ITSN1: variants seen among roughly 807,000 people sequenced by gnomAD.
ITSN1 encodes the protein intersectin 1.
A neutral mutation model predicts 239.8 loss-of-function variants in ITSN1; 58 were observed. The observed-to-expected ratio is 0.24, with a 90% CI of 0.20 to 0.30. The LOEUF is 0.30. ITSN1 is among the 10% of genes least tolerant of loss of function. The probability of loss-of-function intolerance (pLI) is 1.00; values close to 1 mark genes in which losing one functional copy is unlikely to be tolerated. For missense variants in ITSN1, 1,558 were observed against 2,103.3 expected (o/e 0.74, Z 5.07); for synonymous variants, 780 against 770.8 (o/e 1.01, Z -0.20).
At chr21:33,834,828 G>A (rs776078122) in intron 28 of ITSN1, among the ~76,000 whole-genome samples, 2 of 151,574 alleles carry the variant, frequency 1.3e-5, no homozygotes, top group Non-Finnish European at 1.5e-5. Context: ...GGCCACGGGG[G>A]TTGGGGGGCT....
chr21:33,686,520 T>C (rs1414461553), intron 1 of ITSN1, among the ~76,000 whole-genome samples: 2 of 152,162 alleles, frequency 1.3e-5, no homozygotes, highest in East Asian at 3.8e-4. Context: ...AATTGAACTG[T>C]GCTGAGTGCT....
chr21:33,698,859 C>T (rs1309320187), intron 1 of ITSN1, among the ~76,000 whole-genome samples: 1 of 152,146 alleles, frequency 6.6e-6, no homozygotes, highest in Non-Finnish European at 1.5e-5. Flanking sequence ...GACATAGGCT[C>T]TTCCAGTTGT....
At chr21:33,727,606 A>T (rs7278948) in intron 4 of ITSN1, among the ~76,000 whole-genome samples, 15 of 145,652 alleles carry the variant, frequency 1.0e-4, no homozygotes, top group African/African-American at 3.2e-4. Flanking sequence ...CTAAACTCAT[A>T]CAAAAAAAAA....
chr21:33,835,210 G>A (rs1305908139), intron 28 of ITSN1, among the ~76,000 whole-genome samples: 6 of 152,144 alleles, frequency 3.9e-5, no homozygotes, highest in Non-Finnish European at 5.9e-5. Context: ...TTAAAGGATG[G>A]GCAAACTTTG....
chr21:33,704,430 T>C (rs971649913), intron 1 of ITSN1, among the ~76,000 whole-genome samples: 3 of 152,194 alleles, frequency 2.0e-5, no homozygotes, highest in South Asian at 4.1e-4. Flanking sequence ...TGTGCCTCTT[T>C]GGTGAAGTTC....
rs1986863206 is a variant in ITSN1, at chr21:33,897,721, ATTAT to A, written c.*9424_*9427del. The A allele has an allele frequency of 6.6e-6, 1 of 152,214 alleles. No individual in the cohort carries two copies. The highest frequency in any genetic ancestry group is 1.5e-5 in the Non-Finnish European group (1 of 68,040). The allele number at this position is 152,214 out of a possible 1,614,324, so 9.4% of individuals were successfully genotyped here. A position where few individuals can be genotyped will look rare whatever the true frequency, so the allele number is the denominator to read the frequency against. On this transcript the variant is annotated 3_prime_UTR_variant, in exon 40 of 40. Transcript: ENST00000381318. ...GTAAAATGTGATTTGTCATTGAGAGATTATTTTTCTGTATGTATATGAGAGTATT... is the reference window on the plus strand; with the variant it reads ...GTAAAATGTGATTTGTCATTGAGAGATTTTCTGTATGTATATGAGAGTATT...
intron 1 of ITSN1, among the ~76,000 whole-genome samples, chr21:33,681,159 T>A (rs2090925571): frequency 6.6e-6 from 1 of 152,134 alleles, no homozygotes; most frequent in Non-Finnish European, 1.5e-5. Context: ...AAAGGGTCTG[T>A]TAAGGAAGGG....
At chr21:33,745,774 T>C (rs899764582) in intron 5 of ITSN1, among the ~76,000 whole-genome samples, 2 of 152,164 alleles carry the variant, frequency 1.3e-5, no homozygotes, top group Non-Finnish European at 2.9e-5. Context: ...TATCCTGAAC[T>C]CGTGGTCATG....
intron 1 of ITSN1, among the ~76,000 whole-genome samples, chr21:33,701,587 G>A (rs184279740): frequency 6.6e-6 from 1 of 151,808 alleles, no homozygotes; most frequent in Admixed American, 6.6e-5. Flanking sequence ...GAAGCCAGGA[G>A]TTTGAGACCA....
At chr21:33,861,817 G>A (rs1270473772) in intron 31 of ITSN1, among the ~76,000 whole-genome samples, 2 of 151,628 alleles carry the variant, frequency 1.3e-5, no homozygotes, top group African/African-American at 4.8e-5. Context: ...GTGGTGGCGG[G>A]CGCCTGTAGT....
chr21:33,667,560 G>A (rs545900510), intron 1 of ITSN1, among the ~76,000 whole-genome samples: 101 of 152,190 alleles, frequency 6.6e-4, no homozygotes, highest in African/African-American at 2.2e-3. Flanking sequence ...TAGGTTTCTG[G>A]TTTTAAAAAA....
chr21:33,874,313 T>C (rs1424241769), intron 33 of ITSN1, among the ~76,000 whole-genome samples: 1 of 152,042 alleles, frequency 6.6e-6, no homozygotes. Flanking sequence ...GCACACTTGC[T>C]CTGATGCACC....
chr21:33,815,590 G>T (rs921771643), intron 22 of ITSN1, among the ~76,000 whole-genome samples: 4 of 152,194 alleles, frequency 2.6e-5, no homozygotes, highest in African/African-American at 9.7e-5. Flanking sequence ...CAAAAGGAAA[G>T]AGAAGGACCA....
At chr21:33,799,070 G>A (rs1223761325) in intron 18 of ITSN1, among the ~76,000 whole-genome samples, 2 of 152,092 alleles carry the variant, frequency 1.3e-5, no homozygotes, top group African/African-American at 4.8e-5. Flanking sequence ...GATAAGATAG[G>A]TATATGTCAA....
intron 33 of ITSN1, among the ~76,000 whole-genome samples, chr21:33,870,123 C>T (rs1284282193): frequency 6.6e-6 from 1 of 152,162 alleles, no homozygotes; most frequent in African/African-American, 2.4e-5. Context: ...CTCAGTCCAG[C>T]CCCAGCTCAA....
At chr21:33,684,359 G>A (rs1012378890) in intron 1 of ITSN1, among the ~76,000 whole-genome samples, 1 of 152,124 alleles carries the variant, frequency 6.6e-6, no homozygotes, top group African/African-American at 2.4e-5. Context: ...GACAGTCAAG[G>A]GGTTGTTTTC....
At chr21:33,732,427 G>A (rs2066245221) in intron 4 of ITSN1, among the ~76,000 whole-genome samples, 1 of 152,020 alleles carries the variant, frequency 6.6e-6, no homozygotes, top group Non-Finnish European at 1.5e-5. Context: ...TCAGATGGTG[G>A]GGGGCTCAAA....
chr21:33,724,420 G>A (rs571519018), intron 4 of ITSN1, among the ~76,000 whole-genome samples: 1 of 152,338 alleles, frequency 6.6e-6, no homozygotes, highest in African/African-American at 2.4e-5. Flanking sequence ...TCAGTTAAAT[G>A]TGAAAGTTTA....
At chr21:33,842,602 G>A (rs1308478398) in intron 29 of ITSN1, among the ~76,000 whole-genome samples, 1 of 151,032 alleles carries the variant, frequency 6.6e-6, no homozygotes, top group Non-Finnish European at 1.5e-5. Context: ...TAGGTCAAAC[G>A]GTGAGTTCAG....
Sources: allele counts gnomAD v4.1 joint callset (sites outside exome capture counted in the v4.1 genomes callset), GRCh38; gene constraint gnomAD v4.1.1; transcripts MANE v1.5; gene names NCBI Gene and HGNC (gene_info 2026-07-23, HGNC 2026-07-21).